Variants in VAV3 observed in about 807,000 individuals in gnomAD.
VAV3 encodes guanine nucleotide exchange factor VAV3.
In VAV3, 94 loss-of-function variants were observed where a neutral mutation model predicts 131.2. The observed-to-expected ratio is 0.72, with a 90% CI of 0.61 to 0.85. The LOEUF is 0.85. Among genes scored for constraint, VAV3 ranks in the 40% least tolerant of loss-of-function variants. The pLI, the probability that VAV3 is intolerant of heterozygous loss-of-function variation, is 0.00. For missense variants in VAV3, 939 were observed against 1,002.7 expected (o/e 0.94, Z 0.86); for synonymous variants, 349 against 342.0 (o/e 1.02, Z -0.22).
At chr1:107,792,778 C>T (rs1046807396) in intron 2 of VAV3, among the ~76,000 whole-genome samples, 1 of 152,008 alleles carries the variant, frequency 6.6e-6, no homozygotes, top group Non-Finnish European at 1.5e-5. Context: ...AAATTGAATA[C>T]GAAAGAAACA....
chr1:107,834,854 CTG>C (rs1272383969), intron 2 of VAV3, among the ~76,000 whole-genome samples: 1 of 152,062 alleles, frequency 6.6e-6, no homozygotes. Flanking sequence ...AGTGAAGTGA[CTG>C]TGGGACAACC....
In VAV3 at chr1:107,642,657, C is replaced by G; in HGVS notation, c.1876G>C (p.Glu626Gln). 1.2e-6 allele frequency: 2 copies of G among 1,613,288 alleles called. No individual in the cohort carries two copies. Among genetic ancestry groups the G allele is most frequent in the South Asian group, 2.2e-5 (2 of 91,004 alleles). Residue 626 changes from glutamate (E) to glutamine (Q), a missense_variant, in exon 20 of 27, where the codon GAA becomes CAA. Glu to Gln is a conservative substitution (Grantham distance 29). Transcript: ENST00000370056. ...PLQLQAGDTV[E>Q]LLKGDAHSLF... ...CTGTGTGCATCTCCTTTCAGAAGTTCAACGGTATCCCCGGCCTGGAGCTGT... is the reference window on the plus strand; with the variant it reads ...CTGTGTGCATCTCCTTTCAGAAGTTGAACGGTATCCCCGGCCTGGAGCTGT...
intron 19 of VAV3, among the ~76,000 whole-genome samples, chr1:107,681,912 G>A (rs575645413): frequency 1.3e-5 from 2 of 152,114 alleles, no homozygotes; most frequent in South Asian, 4.2e-4. Flanking sequence ...CGCCGGCCTT[G>A]ACCTCCCAAA....
At chr1:107,586,782 G>T (rs1333504055) in intron 25 of VAV3, among the ~76,000 whole-genome samples, 1 of 152,054 alleles carries the variant, frequency 6.6e-6, no homozygotes, top group East Asian at 1.9e-4. Context: ...TATTTATTTT[G>T]AATGTACAAT....
intron 2 of VAV3, among the ~76,000 whole-genome samples, chr1:107,783,673 C>T (rs921084429): frequency 1.3e-5 from 2 of 152,108 alleles, no homozygotes; most frequent in African/African-American, 4.8e-5. Context: ...GTCTGTGTCC[C>T]CTTTGTGTCC....
At chr1:107,723,921 T>A (rs915786369) in intron 15 of VAV3, among the ~76,000 whole-genome samples, 5 of 152,208 alleles carry the variant, frequency 3.3e-5, no homozygotes, top group Non-Finnish European at 5.9e-5. Flanking sequence ...GAACACATCG[T>A]AAATGCTACA....
At chr1:107,908,639 C>G (rs917993809) in intron 1 of VAV3, among the ~76,000 whole-genome samples, 20 of 152,190 alleles carry the variant, frequency 1.3e-4, no homozygotes, top group Non-Finnish European at 2.6e-4. Context: ...CTAAATTATG[C>G]ATACTTTTCT....
chr1:107,851,449 A>G (rs1031752781), intron 2 of VAV3, among the ~76,000 whole-genome samples: 2 of 149,654 alleles, frequency 1.3e-5, no homozygotes, highest in Non-Finnish European at 3.0e-5. Flanking sequence ...TTTTCATTTT[A>G]TTTTCATTTT....
intron 15 of VAV3, among the ~76,000 whole-genome samples, chr1:107,719,185 A>G (rs987052536): frequency 5.3e-5 from 8 of 152,224 alleles, no homozygotes; most frequent in Non-Finnish European, 1.2e-4. Context: ...AGCAATGGTA[A>G]CAGAAGCCAA....
chr1:107,880,235 G>C (rs904035395), intron 1 of VAV3, among the ~76,000 whole-genome samples: 1 of 152,188 alleles, frequency 6.6e-6, no homozygotes, highest in Admixed American at 6.5e-5. Context: ...GGATGAGTGG[G>C]AGTCACCTAC....
At chr1:107,845,798 C>T (rs1394926043) in intron 2 of VAV3, among the ~76,000 whole-genome samples, 3 of 152,046 alleles carry the variant, frequency 2.0e-5, no homozygotes, top group African/African-American at 4.8e-5. Flanking sequence ...TATGAAACTA[C>T]GTGAAAAGAC....
chr1:107,670,256 G>A (rs1657689258), intron 19 of VAV3, among the ~76,000 whole-genome samples: 1 of 152,124 alleles, frequency 6.6e-6, no homozygotes, highest in Non-Finnish European at 1.5e-5. Flanking sequence ...AGCAAGCACT[G>A]AGCTTGAAGT....
intron 15 of VAV3, among the ~76,000 whole-genome samples, chr1:107,736,376 A>G (rs186431293): frequency 1.3e-5 from 2 of 152,156 alleles, no homozygotes; most frequent in Non-Finnish European, 2.9e-5. Flanking sequence ...GGCAGGAGAA[A>G]GAAATAAAGG....
chr1:107,891,797 C>A (rs1033055704), intron 1 of VAV3, among the ~76,000 whole-genome samples: 3 of 146,214 alleles, frequency 2.1e-5, no homozygotes, highest in Non-Finnish European at 4.5e-5. Context: ...GGAGACCGCG[C>A]CATTGCAGTC....
chr1:107,642,867 G>C, intron 19 of VAV3, 112 bp from the exon 20 acceptor site: 1 of 1,424,416 alleles, frequency 7.0e-7, no homozygotes, highest in Non-Finnish European at 9.5e-7. Flanking sequence ...ATACCACCAA[G>C]TCCAAGTAAA....
chr1:107,581,183 G>T (rs1650023107), intron 25 of VAV3, among the ~76,000 whole-genome samples: 1 of 152,154 alleles, frequency 6.6e-6, no homozygotes, highest in Non-Finnish European at 1.5e-5. Context: ...GTAATCATTT[G>T]CAAACTGGAT....
intron 1 of VAV3, among the ~76,000 whole-genome samples, chr1:107,909,829 T>C (rs1390021944): frequency 6.6e-6 from 1 of 152,186 alleles, no homozygotes; most frequent in Admixed American, 6.5e-5. Context: ...TGAGAAAATC[T>C]TTCTAATCAG....
At chr1:107,633,046 C>G (rs1654623281) in intron 20 of VAV3, among the ~76,000 whole-genome samples, 1 of 152,208 alleles carries the variant, frequency 6.6e-6, no homozygotes, top group South Asian at 2.1e-4. Context: ...TGGCACTGGG[C>G]TAGTTGTCAC....
At chr1:107,807,997 T>C (rs1043686268) in intron 2 of VAV3, among the ~76,000 whole-genome samples, 8 of 152,186 alleles carry the variant, frequency 5.3e-5, no homozygotes, top group African/African-American at 1.9e-4. Flanking sequence ...AGGCAAAACA[T>C]AATAATTGCG....
Sources: gnomAD v4.1 joint callset for allele counts (sites outside exome capture counted in the v4.1 genomes callset) on GRCh38, gnomAD v4.1.1 for gene constraint, MANE v1.5 for transcripts, NCBI Gene and HGNC (gene_info 2026-07-23, HGNC 2026-07-21) for gene names.